Variants in GMDS observed in about 807,000 individuals in gnomAD.
The protein encoded by GMDS is GDP-mannose 4,6-dehydratase, also known as GDP-mannose 4,6 dehydratase.
GMDS carries 20 observed loss-of-function variants against 49.9 expected under a neutral mutation model. That is an observed-to-expected ratio of 0.40 (90% confidence interval 0.28 to 0.58). The LOEUF (loss-of-function observed/expected upper bound fraction) is 0.58, where lower values mean the gene tolerates loss of function less well. Ranked by LOEUF, GMDS falls within the 20% of genes least tolerant of loss-of-function variation. The probability of loss-of-function intolerance (pLI) is 0.42; values close to 1 mark genes in which losing one functional copy is unlikely to be tolerated. For missense variants in GMDS, 362 were observed against 481.4 expected (o/e 0.75, Z 2.32); for synonymous variants, 177 against 178.6 (o/e 0.99, Z 0.07).
chr6:1,919,980 C>A (rs1761636269), intron 7 of GMDS, among the ~76,000 whole-genome samples: 1 of 152,210 alleles, frequency 6.6e-6, no homozygotes, highest in Non-Finnish European at 1.5e-5. Flanking sequence ...AATGACCCAA[C>A]ACTCACAGAG....
At chr6:1,626,208 A>T (rs1488352177) in intron 9 of GMDS, 3 of 152,242 alleles carry the variant, frequency 2.0e-5, no homozygotes, top group Non-Finnish European at 2.9e-5. Flanking sequence ...CAGTACACGC[A>T]GCGACTCTCG....
chr6:1,913,070 T>A (rs1273771461), intron 7 of GMDS, among the ~76,000 whole-genome samples: 1 of 152,096 alleles, frequency 6.6e-6, no homozygotes, highest in Non-Finnish European at 1.5e-5. Context: ...TAGTTATTAA[T>A]AACTGACCCT....
At position 1,960,365 on chromosome 6, in the gene GMDS, A is replaced by G. The variant is rs1872348; in HGVS notation, c.539-394T>C. ...TATTCTCCTTACAAACATATTAGAC[A>G]CAATAGTCTTTTTTTTTGAAGGTTT... On this transcript the variant is annotated intron_variant, in intron 5 of 10. Coordinates refer to ENST00000380815, the MANE Select transcript of GMDS (RefSeq NM_001500.4). Among the ~76,000 whole-genome samples the G allele has an allele frequency of 4.3e-3, 583 of 136,048 alleles. 3 individuals carry two copies. Among genetic ancestry groups the G allele is most frequent in the African/African-American group, 0.017 (533 of 32,286 alleles). The allele number at this position is 136,048 out of a possible 152,430, so 89.3% of individuals were successfully genotyped here. A position where few individuals can be genotyped will look rare whatever the true frequency, so the allele number is the denominator to read the frequency against.
chr6:2,095,990 A>C lies in GMDS; in HGVS notation c.345+19781T>G, dbSNP rs578230563. On this transcript the variant is annotated intron_variant, in intron 4 of 10. Coordinates refer to ENST00000380815, the MANE Select transcript of GMDS (RefSeq NM_001500.4). ...AAGCATAGAAGTGACAACTGGAAGAATATATCTGCAACATATATACCTGAT... is the reference window on the plus strand; with the variant it reads ...AAGCATAGAAGTGACAACTGGAAGACTATATCTGCAACATATATACCTGAT... Among the ~76,000 whole-genome samples, 70 of 152,334 alleles carry C rather than the reference A, an allele frequency of 4.6e-4. 1 individual carries two copies. The highest frequency in any genetic ancestry group is 1.6e-3 in the African/African-American group (66 of 41,580).
intron 4 of GMDS, among the ~76,000 whole-genome samples, chr6:1,991,949 C>T (rs534197187): frequency 1.6e-4 from 24 of 152,266 alleles, no homozygotes; most frequent in African/African-American, 5.1e-4. Context: ...CGCAGCTCCA[C>T]GGCAAGGAAG....
chr6:1,722,374 A>AC (rs1766418339), intron 9 of GMDS, among the ~76,000 whole-genome samples: 1 of 151,812 alleles, frequency 6.6e-6, no homozygotes, highest in African/African-American at 2.4e-5. Context: ...GGTGTGAGCC[A>AC]CCGCGCCCGG....
intron 4 of GMDS, among the ~76,000 whole-genome samples, chr6:2,107,009 A>G (rs933272878): frequency 6.6e-6 from 1 of 152,234 alleles, no homozygotes; most frequent in African/African-American, 2.4e-5. Context: ...AGCTTAATAT[A>G]TATAAAATAA....
intron 4 of GMDS, among the ~76,000 whole-genome samples, chr6:2,114,277 T>C (rs1400491720): frequency 1.3e-5 from 2 of 152,226 alleles, no homozygotes; most frequent in Admixed American, 1.3e-4. Context: ...AGAATGTTCA[T>C]TCCAAAACAT....
chr6:1,779,760 T>C (rs1449257795), intron 7 of GMDS, among the ~76,000 whole-genome samples: 1 of 152,148 alleles, frequency 6.6e-6, no homozygotes, highest in African/African-American at 2.4e-5. Flanking sequence ...CTGACCAAAT[T>C]CAATTTCTTC....
intron 4 of GMDS, among the ~76,000 whole-genome samples, chr6:2,064,191 T>A (rs1490481208): frequency 6.6e-6 from 1 of 152,220 alleles, no homozygotes; most frequent in Non-Finnish European, 1.5e-5. Context: ...GCATAAGTTA[T>A]GTTTTCATTG....
At chr6:2,200,704 A>G (rs1384247321) in intron 1 of GMDS, among the ~76,000 whole-genome samples, 2 of 147,336 alleles carry the variant, frequency 1.4e-5, no homozygotes, top group East Asian at 2.1e-4. Context: ...GTTAGCAGAG[A>G]GGTGAAGGAT....
chr6:1,856,888 G>T (rs954996037), intron 7 of GMDS, among the ~76,000 whole-genome samples: 1 of 152,160 alleles, frequency 6.6e-6, no homozygotes, highest in African/African-American at 2.4e-5. Context: ...ATGTGCCACT[G>T]AGAGAGAGGG....
chr6:1,784,412 A>AAT (rs1554119186), intron 7 of GMDS, among the ~76,000 whole-genome samples: 6 of 150,920 alleles, frequency 4.0e-5, no homozygotes, highest in African/African-American at 1.5e-4. Flanking sequence ...AAAAAAAAAA[A>AAT]AAGAAAATTT....
chr6:1,844,752 A>G (rs1313290508), intron 7 of GMDS, among the ~76,000 whole-genome samples: 1 of 152,240 alleles, frequency 6.6e-6, no homozygotes, highest in African/African-American at 2.4e-5. Flanking sequence ...TTTCAGTGAC[A>G]TTAACAGATG....
At chr6:1,926,382 C>T (rs1345979848) in intron 7 of GMDS, among the ~76,000 whole-genome samples, 1 of 152,208 alleles carries the variant, frequency 6.6e-6, no homozygotes, top group Non-Finnish European at 1.5e-5. Context: ...TGCCCATCTG[C>T]ATGCTCCTCC....
chr6:1,732,025 T>C (rs113251333), intron 8 of GMDS, among the ~76,000 whole-genome samples: 1,544 of 152,200 alleles, frequency 0.01, 22 homozygotes, highest in African/African-American at 0.036. Flanking sequence ...CAAATGACAA[T>C]TGTACATAGA....
chr6:1,948,263 T>C (rs1763182904), intron 6 of GMDS, among the ~76,000 whole-genome samples: 1 of 152,118 alleles, frequency 6.6e-6, no homozygotes, highest in South Asian at 2.1e-4. Context: ...TAACAAATAG[T>C]GGAAAAGAAA....
intron 4 of GMDS, among the ~76,000 whole-genome samples, chr6:2,043,107 A>G (rs1031750900): frequency 2.0e-5 from 3 of 152,220 alleles, no homozygotes; most frequent in Admixed American, 2.0e-4. Context: ...TGCAGCAAGC[A>G]GAAGGTTCCT....
At chr6:2,209,468 C>T (rs1779962144) in intron 1 of GMDS, among the ~76,000 whole-genome samples, 1 of 152,118 alleles carries the variant, frequency 6.6e-6, no homozygotes, top group Non-Finnish European at 1.5e-5. Flanking sequence ...AGCCAAGATG[C>T]CTTGACCACA....
Sources: gnomAD v4.1 joint callset for allele counts (sites outside exome capture counted in the v4.1 genomes callset) on GRCh38, gnomAD v4.1.1 for gene constraint, MANE v1.5 for transcripts, NCBI Gene and HGNC (gene_info 2026-07-23, HGNC 2026-07-21) for gene names.